POFUT1: variants seen among roughly 807,000 people sequenced by gnomAD.
POFUT1 encodes the protein protein O-fucosyltransferase 1.
In POFUT1, 16 loss-of-function variants were observed where a neutral mutation model predicts 42.4. The observed-to-expected ratio is 0.38, with a 90% CI of 0.26 to 0.57. The LOEUF is 0.57. Ranked by LOEUF, POFUT1 falls within the 20% of genes least tolerant of loss-of-function variation. The probability of loss-of-function intolerance (pLI) is 0.71; values close to 1 mark genes in which losing one functional copy is unlikely to be tolerated. For missense variants in POFUT1, 470 were observed against 504.6 expected, an observed-to-expected ratio of 0.93 and a Z score of 0.66; for synonymous variants, 206 against 205.4, an observed-to-expected ratio of 1.00 and a Z score of -0.03.
chr20:32,229,936 C>A (rs1444006516), intron 5 of POFUT1, among the ~76,000 whole-genome samples: 1 of 152,146 alleles, frequency 6.6e-6, no homozygotes, highest in African/African-American at 2.4e-5. Context: ...CATCACCACA[C>A]CTGGCTAATT....
intron 4 of POFUT1, 172 bp downstream of exon 4, chr20:32,216,893 C>A: frequency 6.5e-7 from 1 of 1,541,378 alleles, no homozygotes; most frequent in South Asian, 1.2e-5. Flanking sequence ...CATGTCCACG[C>A]CTGACACGGT....
At chr20:32,216,969 A>G (rs1249229039) in intron 4 of POFUT1, 4 of 1,609,842 alleles carry the variant, frequency 2.5e-6, no homozygotes, top group Non-Finnish European at 3.4e-6. Context: ...CATAAAAAGA[A>G]CATTCTGCAG....
intron 4 of POFUT1, chr20:32,223,414 T>A: frequency 9.1e-6 from 9 of 985,416 alleles, no homozygotes; most frequent in Non-Finnish European, 1.1e-5. Context: ...AGCTCTTTGC[T>A]GGTCCAGATC....
intron 1 of POFUT1, among the ~76,000 whole-genome samples, chr20:32,208,999 G>A (rs1444092701): frequency 5.9e-5 from 9 of 152,242 alleles, no homozygotes; most frequent in Non-Finnish European, 1.3e-4. Flanking sequence ...CATTGTGGAA[G>A]TGGATGATCT....
chr20:32,230,960 G>T lies in POFUT1; in HGVS notation c.877G>T (p.Ala293Ser), dbSNP rs2122601421. Residue 293 changes from alanine to serine, a missense_variant, in exon 6 of 7, where the codon GCT (alanine) becomes TCT (serine). Coordinates refer to ENST00000375749, the MANE Select transcript of POFUT1 (RefSeq NM_015352.2). ...CLPDLKEIQR[A>S]VKLWVRSLDA... ...GCCTGACCTGAAGGAGATCCAGAGG[G>T]CTGTGAAGCTCTGGGTGAGGTCGCT... The T allele has an allele frequency of 6.2e-7, 1 of 1,614,218 alleles. No individual in the cohort carries two copies.
chr20:32,222,502 C>T (rs949714096), intron 4 of POFUT1: 1 of 648,442 alleles, frequency 1.5e-6, no homozygotes, highest in African/African-American at 2.0e-5. Flanking sequence ...TTGCTTACAT[C>T]TCATTGGCTA....
intron 1 of POFUT1, among the ~76,000 whole-genome samples, chr20:32,209,362 T>G (rs1217938379): frequency 6.6e-6 from 1 of 152,246 alleles, no homozygotes; most frequent in African/African-American, 2.4e-5. Context: ...ATCAACATTT[T>G]TCATGTATTT....
chr20:32,214,212 C>T (rs2047346393), intron 2 of POFUT1, among the ~76,000 whole-genome samples: 1 of 152,078 alleles, frequency 6.6e-6, no homozygotes, highest in Non-Finnish European at 1.5e-5. Context: ...GAAGCCTCAC[C>T]CTCCTGAATG....
intron 3 of POFUT1, among the ~76,000 whole-genome samples, chr20:32,215,655 C>G (rs1363888441): frequency 6.6e-6 from 1 of 152,188 alleles, no homozygotes. Flanking sequence ...TCATTTCTAC[C>G]TACAAAATAG....
chr20:32,227,675 G>T (rs1322634273), intron 4 of POFUT1, among the ~76,000 whole-genome samples: 1 of 152,232 alleles, frequency 6.6e-6, no homozygotes, highest in East Asian at 1.9e-4. Context: ...GGAAGCAGGG[G>T]CTTGGGAGGG....
intron 5 of POFUT1, 113 bp from the exon 6 acceptor site, chr20:32,230,706 A>T: frequency 7.7e-7 from 1 of 1,300,600 alleles, no homozygotes; most frequent in Non-Finnish European, 1.1e-6. Flanking sequence ...AAAAAAAAAA[A>T]AAAATGTAGT....
At chr20:32,209,406 G>A (rs1207634210) in intron 1 of POFUT1, among the ~76,000 whole-genome samples, 1 of 152,214 alleles carries the variant, frequency 6.6e-6, no homozygotes, top group Non-Finnish European at 1.5e-5. Context: ...AGTGAACTGT[G>A]AGTGCCTTAG....
At chr20:32,208,339 G>A (rs1184162566) in intron 1 of POFUT1, among the ~76,000 whole-genome samples, 1 of 152,158 alleles carries the variant, frequency 6.6e-6, no homozygotes, top group Non-Finnish European at 1.5e-5. Flanking sequence ...AATGGAGTTA[G>A]TGGGGCAGGA....
At chr20:32,210,729 A>T (rs1600382966) in intron 2 of POFUT1, among the ~76,000 whole-genome samples, 1 of 152,174 alleles carries the variant, frequency 6.6e-6, no homozygotes. Flanking sequence ...TTGTCATGCG[A>T]TGCTCACCGG....
Position 32,237,732 on chromosome 20 carries a change from G to A in POFUT1, c.*3071G>A, listed in dbSNP as rs537230680. 1.9e-6 allele frequency: 1 copy of A among 532,446 alleles called. No individual in the cohort carries two copies. The highest frequency in any genetic ancestry group is 5.5e-5 in the East Asian group (1 of 18,308). 33.0% of individuals were successfully genotyped at this position (532,446 alleles called of 1,614,324 possible). ...TCTCTAGCTGGCCAGTGCTGAGGAG[G>A]TTGGAGAGAGAAAGGGTGAAAGCAG... On this transcript the variant is annotated 3_prime_UTR_variant, in exon 7 of 7. Transcript: ENST00000375749.
At position 32,228,509 on chromosome 20, in the gene POFUT1, G is replaced by A. The variant is rs2047426483; in HGVS notation, c.735+54G>A. 3 of 1,526,102 alleles carry A rather than the reference G, an allele frequency of 2.0e-6. No individual in the cohort carries two copies. In the East Asian group the frequency reaches 6.8e-5, roughly 34 times the overall value. The allele number at this position is 1,526,102 out of a possible 1,614,324, so 94.5% of individuals were successfully genotyped here. A position where few individuals can be genotyped will look rare whatever the true frequency, so the allele number is the denominator to read the frequency against. On this transcript the variant is annotated intron_variant, in intron 5 of 6. Coordinates refer to ENST00000375749, the MANE Select transcript of POFUT1 (RefSeq NM_015352.2). ...TAACTTGGATGTGTCCCTGAGCATG[G>A]CCCTGGCCTGTAGGGATCGGCCCCG...
Position 32,235,037 on chromosome 20 carries a change from T to G in POFUT1, c.*376T>G. On this transcript the variant is annotated 3_prime_UTR_variant, in exon 7 of 7. Coordinates refer to ENST00000375749, the MANE Select transcript of POFUT1 (RefSeq NM_015352.2). ...TATAATTTTGATACAAGGTCATGAC[T>G]ATCCTAGAACTCTCTGTGGTTTTTG... 1.6e-4 allele frequency: 26 copies of G among 166,278 alleles called. No individual in the cohort carries two copies. The highest frequency in any genetic ancestry group is 3.0e-3 in the Middle Eastern group (1 of 332). The allele number at this position is 166,278 out of a possible 1,614,324, so 10.3% of individuals were successfully genotyped here. A position where few individuals can be genotyped will look rare whatever the true frequency, so the allele number is the denominator to read the frequency against.
chr20:32,211,279 AT>A (rs11397120), intron 2 of POFUT1, among the ~76,000 whole-genome samples: 52 of 147,042 alleles, frequency 3.5e-4, no homozygotes, highest in Non-Finnish European at 3.9e-4. Context: ...CGCACTCACT[AT>A]TTTTTTTTTT....
chr20:32,234,576 T>C lies in POFUT1; in HGVS notation c.1082T>C (p.Phe361Ser). 1 of 1,614,004 alleles carries C rather than the reference T, an allele frequency of 6.2e-7. No individual in the cohort carries two copies. The highest frequency in any genetic ancestry group is 2.2e-5 in the East Asian group (1 of 44,894). The change falls in exon 7 of 7, where the codon TTT (phenylalanine) becomes TCT (serine). Residue 361 changes from phenylalanine (F) to serine (S), a missense_variant. Transcript: ENST00000375749. Reference sequence around the variant, plus strand: ...AACTGTGTCTCCTCCTTCACTGCCTTTGTGAAGCGGGAGCGGGACCTCCAG... The same window carrying C: ...AACTGTGTCTCCTCCTTCACTGCCTCTGTGAAGCGGGAGCGGGACCTCCAG... ...IGNCVSSFTA[F>S]VKRERDLQGR...
Sources: allele counts gnomAD v4.1 joint callset (sites outside exome capture counted in the v4.1 genomes callset), GRCh38; gene constraint gnomAD v4.1.1; transcripts MANE v1.5; gene names NCBI Gene and HGNC (gene_info 2026-07-23, HGNC 2026-07-21).